Variants in OR3A2 observed in about 807,000 individuals in gnomAD.
OR3A2 encodes the protein olfactory receptor 3A2.
For missense variants in OR3A2, 318 were observed against 392.8 expected, an observed-to-expected ratio of 0.81 and a Z score of 1.61; for synonymous variants, 126 against 159.3, an observed-to-expected ratio of 0.79 and a Z score of 1.57.
At chr17:3,287,073 T>A (rs1292671246), upstream of OR3A2, among the ~76,000 whole-genome samples, 2 of 152,212 alleles carry the variant, frequency 1.3e-5, no homozygotes, top group East Asian at 1.9e-4. Context: ...CTTTAATCCA[T>A]CTTGTGGTAG....
At chr17:3,306,697 C>T (rs231681) in intron 3 of OR3A2, among the ~76,000 whole-genome samples, 93,139 of 141,884 alleles carry the variant, frequency 0.66, 32,475 homozygotes, top group East Asian at 1. Context: ...AAAAAAAAAC[C>T]GTAACCCCTT....
At chr17:3,340,078 C>T (rs531100777) in intron 2 of OR3A2, among the ~76,000 whole-genome samples, 2,432 of 152,184 alleles carry the variant, frequency 0.016, 26 homozygotes, top group Middle Eastern at 0.075. Context: ...TTATAGTATT[C>T]TCTGATGGTG....
At chr17:3,324,769 C>T (rs1236862541) in intron 3 of OR3A2, among the ~76,000 whole-genome samples, 1 of 152,016 alleles carries the variant, frequency 6.6e-6, no homozygotes, top group African/African-American at 2.4e-5. Context: ...TCCGCCCCTA[C>T]TCGGGGGTGC....
At position 3,345,522 on chromosome 17, in the gene OR3A2, G is replaced by A. The variant is rs1235289585; in HGVS notation, c.-178-9396C>T. 2.6e-5 allele frequency among the ~76,000 whole-genome samples: 4 copies of A among 151,870 alleles called. No individual in the cohort carries two copies. The East Asian group carries it at 5.8e-4, about 22-fold the overall frequency. ...AACAAAATTATAATAAGCAGCCTTA[G>A]AAAGTGAAATAAAATAAGAAGAGCC... On this transcript the variant is annotated intron_variant, in intron 2 of 4. Transcript: ENST00000573491.
At chr17:3,370,947 G>T (rs1476330635) in intron 2 of OR3A2, among the ~76,000 whole-genome samples, 9 of 152,126 alleles carry the variant, frequency 5.9e-5, no homozygotes, top group Non-Finnish European at 1.2e-4. Flanking sequence ...TTGGGGGTAG[G>T]GTCACAGATC....
chr17:3,320,962 C>T (rs1373281027), intron 3 of OR3A2, among the ~76,000 whole-genome samples: 1 of 152,008 alleles, frequency 6.6e-6, no homozygotes, highest in East Asian at 1.9e-4. Flanking sequence ...CTATAAATTA[C>T]CTTGGGCAGT....
chr17:3,341,498 G>A (rs187029922), intron 2 of OR3A2, among the ~76,000 whole-genome samples: 1 of 151,942 alleles, frequency 6.6e-6, no homozygotes, highest in African/African-American at 2.4e-5. Flanking sequence ...GTCTGTAAAG[G>A]ATTTTATTTC....
intron 3 of OR3A2, among the ~76,000 whole-genome samples, chr17:3,323,128 C>T (rs1317090895): frequency 2.0e-5 from 3 of 152,140 alleles, no homozygotes; most frequent in Non-Finnish European, 4.4e-5. Context: ...TAAGTAATGG[C>T]CTTGTCTCTT....
intron 2 of OR3A2, among the ~76,000 whole-genome samples, chr17:3,367,215 GTTTT>G (rs1304174476): frequency 2.0e-5 from 3 of 152,134 alleles, no homozygotes; most frequent in African/African-American, 7.2e-5. Context: ...AGACTCAGTT[GTTTT>G]TATTTCAATA....
intron 3 of OR3A2, among the ~76,000 whole-genome samples, chr17:3,300,937 C>T (rs1157891880): frequency 4.7e-5 from 7 of 149,904 alleles, no homozygotes; most frequent in Admixed American, 1.3e-4. Flanking sequence ...TGAGAACATG[C>T]GGTGTTTGGT....
intron 2 of OR3A2, among the ~76,000 whole-genome samples, chr17:3,350,943 T>C (rs898968156): frequency 2.6e-5 from 4 of 151,576 alleles, no homozygotes; most frequent in Non-Finnish European, 5.9e-5. Flanking sequence ...CACATGATTA[T>C]CTCAATAGAT....
At chr17:3,343,857 C>G (rs756747060) in intron 2 of OR3A2, among the ~76,000 whole-genome samples, 1 of 152,168 alleles carries the variant, frequency 6.6e-6, no homozygotes, top group Non-Finnish European at 1.5e-5. Context: ...ATCTCCCCCA[C>G]CCCCTTTGCC....
At chr17:3,337,170 T>C (rs943243270) in intron 2 of OR3A2, among the ~76,000 whole-genome samples, 1 of 152,234 alleles carries the variant, frequency 6.6e-6, no homozygotes, top group African/African-American at 2.4e-5. Context: ...TAACATAAAA[T>C]GTATCATTTA....
chr17:3,309,383 G>T (rs1188255808), intron 3 of OR3A2, among the ~76,000 whole-genome samples: 3 of 152,154 alleles, frequency 2.0e-5, no homozygotes, highest in African/African-American at 7.2e-5. Flanking sequence ...GAAAAGCTCA[G>T]TGATGGTGGA....
intron 2 of OR3A2, among the ~76,000 whole-genome samples, chr17:3,340,530 G>A (rs544477410): frequency 6.6e-6 from 1 of 152,190 alleles, no homozygotes; most frequent in Non-Finnish European, 1.5e-5. Context: ...GATTTATCCA[G>A]TAGTCATTCA....
chr17:3,344,830 T>G (rs1194077559), intron 2 of OR3A2, among the ~76,000 whole-genome samples: 1 of 152,192 alleles, frequency 6.6e-6, no homozygotes, highest in African/African-American at 2.4e-5. Context: ...AAGTGAATCC[T>G]AGGCCTCATG....
intron 3 of OR3A2, among the ~76,000 whole-genome samples, chr17:3,293,986 G>T (rs942475554): frequency 6.6e-6 from 1 of 152,058 alleles, no homozygotes; most frequent in Non-Finnish European, 1.5e-5. Context: ...GAACATTAGG[G>T]AAAAGAGCTA....
At chr17:3,329,149 C>G (rs2049205790) in intron 3 of OR3A2, among the ~76,000 whole-genome samples, 3 of 151,842 alleles carry the variant, frequency 2.0e-5, no homozygotes, top group Non-Finnish European at 1.5e-5. Flanking sequence ...CAATGTTCAT[C>G]AAGGATATTG....
At chr17:3,321,856 C>T (rs2049125640) in intron 3 of OR3A2, among the ~76,000 whole-genome samples, 1 of 152,090 alleles carries the variant, frequency 6.6e-6, no homozygotes, top group African/African-American at 2.4e-5. Context: ...GTGGTTGTGT[C>T]TCTGCCAGCC....
Sources: allele counts gnomAD v4.1 joint callset (sites outside exome capture counted in the v4.1 genomes callset), GRCh38; gene constraint gnomAD v4.1.1; transcripts MANE v1.5; gene names NCBI Gene and HGNC (gene_info 2026-07-23, HGNC 2026-07-21).